The following PAX7 variants were observed in gnomAD, a reference collection of about 807,000 sequenced individuals.
PAX7 encodes the protein paired box protein Pax-7.
PAX7 carries 18 observed loss-of-function variants against 50.7 expected under a neutral mutation model. The observed-to-expected ratio is 0.36, with a 90% CI of 0.25 to 0.53. The LOEUF is 0.53. Among genes scored for constraint, PAX7 ranks in the 20% least tolerant of loss-of-function variants. The probability of loss-of-function intolerance (pLI) is 0.93; values close to 1 mark genes in which losing one functional copy is unlikely to be tolerated. For missense variants in PAX7, 644 were observed against 702.9 expected (o/e 0.92, Z 0.95); for synonymous variants, 310 against 290.4 (o/e 1.07, Z -0.69).
chr1:18,639,446 G>A (rs968148684), intron 4 of PAX7, among the ~76,000 whole-genome samples: 1 of 150,752 alleles, frequency 6.6e-6, no homozygotes, highest in Non-Finnish European at 1.5e-5. Flanking sequence ...AGGATTGTTG[G>A]TGGTGAGTAT....
chr1:18,718,602 TG>T (rs1255961021), intron 7 of PAX7, among the ~76,000 whole-genome samples: 13 of 150,858 alleles, frequency 8.6e-5, no homozygotes, highest in Admixed American at 7.9e-4. Flanking sequence ...TCAGTGCACC[TG>T]GGGGTCCCTG....
At chr1:18,690,098 A>T (rs1437192111) in intron 4 of PAX7, among the ~76,000 whole-genome samples, 2 of 152,320 alleles carry the variant, frequency 1.3e-5, no homozygotes, top group East Asian at 3.9e-4. Flanking sequence ...CTCAGGCTGA[A>T]TGCTCCAAGC....
intron 7 of PAX7, among the ~76,000 whole-genome samples, chr1:18,733,076 G>A (rs2089666634): frequency 2.0e-5 from 3 of 152,074 alleles, no homozygotes; most frequent in Non-Finnish European, 2.9e-5. Flanking sequence ...AAGGAGATGG[G>A]TGGGAAAAGG....
At chr1:18,723,406 C>G (rs941097649) in intron 7 of PAX7, among the ~76,000 whole-genome samples, 2 of 152,210 alleles carry the variant, frequency 1.3e-5, no homozygotes, top group Non-Finnish European at 2.9e-5. Flanking sequence ...TAGCTTGTGG[C>G]TTTCCATGGC....
In PAX7 at chr1:18,726,758, C is replaced by G. The variant is rs2089576983; in HGVS notation, c.1156-8874C>G. 6.6e-6 allele frequency among the ~76,000 whole-genome samples: 1 copy of G among 152,210 alleles called. No homozygotes were observed. Among genetic ancestry groups the G allele is most frequent in the South Asian group, 2.1e-4 (1 of 4,834 alleles). ...CTGGATGTCTTCTGCTGCAGTTTCA[C>G]AAATTATCCCCTCTGCTTTCCTCTT... On this transcript the variant is annotated intron_variant, in intron 7 of 8. Transcript: ENST00000420770. This position sits in a 1 kb window ranked among gnomAD's most constrained non-coding sequence, Gnocchi z 4.8.
At chr1:18,712,906 A>C (rs759257145) in intron 7 of PAX7, among the ~76,000 whole-genome samples, 11 of 150,898 alleles carry the variant, frequency 7.3e-5, no homozygotes, top group Non-Finnish European at 1.5e-4. Context: ...ACATGGTGAA[A>C]CCCCCCCTCT....
At chr1:18,670,082 CAAAAAAAAAAA>C (rs10626256) in intron 4 of PAX7, among the ~76,000 whole-genome samples, 1 of 81,354 alleles carries the variant, frequency 1.2e-5, no homozygotes, top group African/African-American at 4.3e-5. Flanking sequence ...GACTCCATCT[CAAAAAAAAAAA>C]AAAAAAAAAG....
rs68110932 is a variant in PAX7, at chr1:18,686,896, A to ATTTT, written c.587-4856_587-4855insTTTT. Reference sequence around the variant, plus strand: ...ATCTTTATTTTATTTTATTATTATTATTATTATTTTTTGAGACAGAGTCTT... The same window carrying ATTTT: ...ATCTTTATTTTATTTTATTATTATTATTTTTTATTATTTTTTGAGACAGAGTCTT... On this transcript the variant is annotated intron_variant, in intron 4 of 8. Transcript: ENST00000420770. Among the ~76,000 whole-genome samples the ATTTT allele has an allele frequency of 8.4e-4, 108 of 127,946 alleles. 1 individual carries two copies. Among genetic ancestry groups the ATTTT allele is most frequent in the African/African-American group, 3.0e-3 (103 of 33,838 alleles). 83.9% of individuals were successfully genotyped at this position (127,946 alleles called of 152,430 possible). A position where few individuals can be genotyped will look rare whatever the true frequency, so the allele number is the denominator to read the frequency against.
At chr1:18,685,498 A>C (rs2088961480) in intron 4 of PAX7, among the ~76,000 whole-genome samples, 1 of 152,240 alleles carries the variant, frequency 6.6e-6, no homozygotes, top group Non-Finnish European at 1.5e-5. Flanking sequence ...TGAGAACGCC[A>C]AGAAAGGGAA....
At chr1:18,666,744 G>A (rs1231431411) in intron 4 of PAX7, among the ~76,000 whole-genome samples, 1 of 152,224 alleles carries the variant, frequency 6.6e-6, no homozygotes, top group East Asian at 1.9e-4. Context: ...CCCAGGTGCT[G>A]TTTGGCTGCG....
At chr1:18,635,955 C>T (rs1339309757) in intron 3 of PAX7, among the ~76,000 whole-genome samples, 5 of 151,972 alleles carry the variant, frequency 3.3e-5, no homozygotes, top group Non-Finnish European at 7.4e-5. Flanking sequence ...TGGAAGTGCA[C>T]CTAGGCAGGT....
At chr1:18,709,137 A>G (rs1185424650) in intron 7 of PAX7, among the ~76,000 whole-genome samples, 1 of 152,028 alleles carries the variant, frequency 6.6e-6, no homozygotes, top group Non-Finnish European at 1.5e-5. Flanking sequence ...CAACTATATC[A>G]GAGTAGGAAG....
intron 4 of PAX7, among the ~76,000 whole-genome samples, chr1:18,674,973 T>G (rs1378637558): frequency 6.6e-6 from 1 of 152,174 alleles, no homozygotes; most frequent in Admixed American, 6.5e-5. Flanking sequence ...TGCTAACACT[T>G]GACAGCTGGT....
At chr1:18,662,098 T>C (rs2088608054) in intron 4 of PAX7, among the ~76,000 whole-genome samples, 1 of 144,844 alleles carries the variant, frequency 6.9e-6, no homozygotes, top group Non-Finnish European at 1.5e-5. Context: ...GCAACAGGAG[T>C]TGGTGCTTCG....
intron 4 of PAX7, among the ~76,000 whole-genome samples, chr1:18,673,654 C>T (rs891660731): frequency 6.6e-6 from 1 of 152,248 alleles, no homozygotes; most frequent in Non-Finnish European, 1.5e-5. Flanking sequence ...TTTTAAAAGG[C>T]GTCAACAGCA....
intron 3 of PAX7, among the ~76,000 whole-genome samples, chr1:18,635,934 G>A (rs943003584): frequency 2.6e-5 from 4 of 152,124 alleles, no homozygotes; most frequent in Admixed American, 1.3e-4. Flanking sequence ...GGGACCTCTC[G>A]GGGGTGTGGG....
chr1:18,735,929 C>G lies in PAX7; in HGVS notation c.1402+51C>G, dbSNP rs2089707681. 5 of 1,613,980 alleles carry G rather than the reference C, an allele frequency of 3.1e-6. No homozygotes were observed. Among genetic ancestry groups the G allele is most frequent in the Non-Finnish European group, 4.2e-6 (5 of 1,180,028 alleles). The stretch of plus-strand genomic sequence containing the variant: ...CCCCGTCCCCATTCCTTCTCCCACC[C>G]CCAGGGCCTCCTGCTTGTTTATGGA... On this transcript the variant is annotated intron_variant, in intron 8 of 8. Coordinates refer to ENST00000420770, the MANE Select transcript of PAX7 (RefSeq NM_001135254.2). This position sits in a 1 kb window ranked among gnomAD's most constrained non-coding sequence, Gnocchi z 4.0.
rs1374679072 is a variant in PAX7 at position 18,634,411 on chromosome 1, A to G, written c.194A>G (p.His65Arg). ...IRHKIVEMAH[H>R]GIRPCVISRQ... ...CACAAGATAGTGGAGATGGCCCACC[A>G]TGGCATCCGGCCCTGTGTCATCTCC... The change falls in exon 2 of 9, where the codon CAT becomes CGT. Residue 65 changes from histidine to arginine, a missense_variant. His to Arg is a conservative substitution (Grantham distance 29). Coordinates refer to ENST00000420770, the MANE Select transcript of PAX7 (RefSeq NM_001135254.2). This position sits in a 1 kb window ranked among gnomAD's most constrained non-coding sequence, Gnocchi z 4.0. The G allele has an allele frequency of 1.2e-6, 2 of 1,614,032 alleles. No homozygotes were observed. The highest frequency in any genetic ancestry group is 1.7e-5 in the Admixed American group (1 of 60,006).
Position 18,748,284 on chromosome 1 carries a change from C to T in PAX7, c.*3355C>T, listed in dbSNP as rs1402507836. 8.8e-6 allele frequency: 2 copies of T among 227,606 alleles called. No individual in the cohort carries two copies. Among genetic ancestry groups the T allele is most frequent in the Non-Finnish European group, 1.7e-5 (2 of 114,636 alleles). 14.1% of individuals were successfully genotyped at this position (227,606 alleles called of 1,614,324 possible). On this transcript the variant is annotated 3_prime_UTR_variant, in exon 9 of 9. Coordinates refer to ENST00000420770, the MANE Select transcript of PAX7 (RefSeq NM_001135254.2). ...GGTGAAGCATCCAAGATTTTGGATC[C>T]TGGGCCTCAGTGACACTCCATCACC...
Sources: allele counts gnomAD v4.1 joint callset (sites outside exome capture counted in the v4.1 genomes callset), GRCh38; gene constraint gnomAD v4.1.1; non-coding constraint Gnocchi (gnomAD v3.1); transcripts MANE v1.5; gene names NCBI Gene and HGNC (gene_info 2026-07-23, HGNC 2026-07-21).